The following GALNT13 variants were observed in gnomAD, a reference collection of about 807,000 sequenced individuals.
GALNT13 encodes UDP-GalNAc:polypeptide N-acetylgalactosaminyltransferase 13.
In GALNT13, 28 loss-of-function variants were observed where a neutral mutation model predicts 64.2. That is an observed-to-expected ratio of 0.44 (90% CI 0.32 to 0.60). The LOEUF is 0.60. Ranked by LOEUF, GALNT13 falls within the 20% of genes least tolerant of loss-of-function variation. GALNT13 has a pLI of 0.05. For missense variants in GALNT13, 577 were observed against 669.8 expected, an observed-to-expected ratio of 0.86 and a Z score of 1.53; for synonymous variants, 214 against 224.6, an observed-to-expected ratio of 0.95 and a Z score of 0.42.
At chr2:154,404,318 T>A (rs1699430776) in intron 10 of GALNT13, among the ~76,000 whole-genome samples, 1 of 152,208 alleles carries the variant, frequency 6.6e-6, no homozygotes. Context: ...AGCAATGACA[T>A]TATGTGTGAA....
At chr2:153,720,398 G>C in the GALNT13 span, among the ~76,000 whole-genome samples, 4 of 151,504 alleles carry the variant, frequency 2.6e-5, no homozygotes, top group Non-Finnish European at 5.9e-5. Flanking sequence ...CTAAAACGCA[G>C]AGCGCCTCTC....
intron 4 of GALNT13, among the ~76,000 whole-genome samples, chr2:154,171,971 TACACACACAC>T (rs57343446): frequency 3.8e-4 from 55 of 144,306 alleles, no homozygotes; most frequent in Admixed American, 1.3e-3. Context: ...TTCTTTCTCA[TACACACACAC>T]ACACACACAC....
At chr2:153,740,656 G>A in the GALNT13 span, among the ~76,000 whole-genome samples, 2,552 of 152,004 alleles carry the variant, frequency 0.017, 74 homozygotes, top group East Asian at 0.13. Context: ...TTTTTTTGTG[G>A]AGACTTATGT....
the GALNT13 span, among the ~76,000 whole-genome samples, chr2:153,837,832 A>C: frequency 2.0e-5 from 3 of 152,124 alleles, no homozygotes; most frequent in South Asian, 2.1e-4. Context: ...TTAGTGTTTT[A>C]AGGAATCTCC....
the GALNT13 span, among the ~76,000 whole-genome samples, chr2:153,726,386 G>A: frequency 6.6e-6 from 1 of 151,826 alleles, no homozygotes. Flanking sequence ...TTAGGTTAAT[G>A]TTTCTTTAAC....
chr2:154,118,576 G>GA (rs1410374392), intron 3 of GALNT13, among the ~76,000 whole-genome samples: 1 of 146,968 alleles, frequency 6.8e-6, no homozygotes, highest in Non-Finnish European at 1.5e-5. Flanking sequence ...TGTTTTGTAG[G>GA]TTTTTTTTTT....
the GALNT13 span, among the ~76,000 whole-genome samples, chr2:153,588,698 G>C: frequency 6.6e-6 from 1 of 152,332 alleles, no homozygotes; most frequent in African/African-American, 2.4e-5. Flanking sequence ...TTGGCTCCTT[G>C]TTGCTTGTGC....
the GALNT13 span, among the ~76,000 whole-genome samples, chr2:153,316,639 C>CAAAAAAAAAAAAAAAA: frequency 0.032 from 2,221 of 69,352 alleles, 194 homozygotes; most frequent in African/African-American, 0.042. Flanking sequence ...GACTCCGTCT[C>CAAAAAAAAAAAAAAAA]AAAAAAAAAA....
the GALNT13 span, among the ~76,000 whole-genome samples, chr2:153,508,378 C>T: frequency 2.0e-5 from 3 of 152,208 alleles, no homozygotes; most frequent in South Asian, 6.2e-4. Flanking sequence ...TTGGATGGGG[C>T]TTGCTGCAGC....
chr2:153,497,545 T>A, the GALNT13 span, among the ~76,000 whole-genome samples: 23 of 126,592 alleles, frequency 1.8e-4, no homozygotes, highest in Non-Finnish European at 3.2e-4. Flanking sequence ...TTTTTTTTTT[T>A]TTTTTTTTTT....
chr2:154,444,245 A>G (rs980437009), intron 12 of GALNT13, among the ~76,000 whole-genome samples: 4 of 152,120 alleles, frequency 2.6e-5, no homozygotes, highest in Non-Finnish European at 5.9e-5. Context: ...TGATATACCT[A>G]ATAAAGAGCA....
At chr2:153,873,987 A>T (rs1040704265) in intron 1 of GALNT13, among the ~76,000 whole-genome samples, 1 of 151,838 alleles carries the variant, frequency 6.6e-6, no homozygotes, top group Non-Finnish European at 1.5e-5. Context: ...TGGACCTCTC[A>T]CCTTCCGGGA....
intron 3 of GALNT13, among the ~76,000 whole-genome samples, chr2:153,984,662 T>C (rs942458385): frequency 2.0e-5 from 3 of 151,858 alleles, no homozygotes; most frequent in Non-Finnish European, 4.4e-5. Context: ...TTTTGACAAA[T>C]GTATACAGTT....
chr2:153,827,266 A>C, the GALNT13 span, among the ~76,000 whole-genome samples: 2 of 152,000 alleles, frequency 1.3e-5, no homozygotes, highest in Non-Finnish European at 2.9e-5. Flanking sequence ...ACGATGATTC[A>C]ATTACACCCC....
At chr2:153,854,486 C>A in the GALNT13 span, among the ~76,000 whole-genome samples, 1,098 of 151,958 alleles carry the variant, frequency 7.2e-3, 3 homozygotes, top group Non-Finnish European at 0.01. Context: ...GAGGCTGAGG[C>A]AGGAGAATCA....
At chr2:154,347,916 C>T (rs1233483329) in intron 9 of GALNT13, among the ~76,000 whole-genome samples, 1 of 152,282 alleles carries the variant, frequency 6.6e-6, no homozygotes, top group South Asian at 2.1e-4. Flanking sequence ...TCAGTATGCT[C>T]TTCCCTGGAC....
chr2:154,388,841 T>A (rs1698641509), intron 9 of GALNT13, among the ~76,000 whole-genome samples: 1 of 152,178 alleles, frequency 6.6e-6, no homozygotes, highest in Non-Finnish European at 1.5e-5. Context: ...GCTTAAACTG[T>A]ATATACTGGT....
At chr2:153,631,035 C>T in the GALNT13 span, among the ~76,000 whole-genome samples, 2 of 151,224 alleles carry the variant, frequency 1.3e-5, no homozygotes, top group African/African-American at 2.4e-5. Flanking sequence ...TGTTCAATTC[C>T]CATCTATGAG....
At chr2:153,307,429 C>T in the GALNT13 span, among the ~76,000 whole-genome samples, 9 of 151,686 alleles carry the variant, frequency 5.9e-5, no homozygotes, top group Admixed American at 2.0e-4. Flanking sequence ...CTAACAATTG[C>T]GCAATAGTAA....
Sources: gnomAD v4.1 joint callset for allele counts (sites outside exome capture counted in the v4.1 genomes callset) on GRCh38, gnomAD v4.1.1 for gene constraint, MANE v1.5 for transcripts, NCBI Gene and HGNC (gene_info 2026-07-23, HGNC 2026-07-21) for gene names.